ZNF7: variants seen among roughly 807,000 people sequenced by gnomAD.
ZNF7 encodes C2-H2 type zinc finger protein.
A neutral mutation model predicts 12.0 loss-of-function variants in ZNF7; 10 were observed. The observed-to-expected ratio is 0.83, with a 90% confidence interval of 0.51 to 1.42. The LOEUF (loss-of-function observed/expected upper bound fraction) is 1.42. ZNF7 is among the 40% of genes most tolerant of loss of function. The pLI, the probability that ZNF7 is intolerant of heterozygous loss-of-function variation, is 0.00. For synonymous variants in ZNF7, 334 were observed against 295.0 expected (o/e 1.13, Z -1.35); for missense variants, 854 against 837.2 (o/e 1.02, Z -0.25).
chr8:144,837,407 C>G lies in ZNF7; in HGVS notation c.147C>G (p.Phe49Leu), dbSNP rs762836333. ...CACACACAGCAGGATTCCTGGTTTT[C>G]AAGCCTGAGCTGATCTCTCGGCTGG... ...SVAGLAGFLV[F>L]KPELISRLEQ... The change falls in exon 4 of 5, where the codon TTC becomes TTG. Residue 49 changes from phenylalanine to leucine, a missense_variant. Physicochemically the swap from Phe to Leu is conservative, Grantham distance 22. Coordinates refer to ENST00000532777, the MANE Select transcript of ZNF7 (RefSeq NM_003416.4). The G allele has an allele frequency of 1.6e-5, 25 of 1,609,822 alleles. No individual in the cohort carries two copies. The African/African-American group carries it at 2.1e-4, about 14-fold the overall frequency.
chr8:144,831,849 T>C (rs1039604942), intron 3 of ZNF7, among the ~76,000 whole-genome samples: 1 of 101,132 alleles, frequency 9.9e-6, no homozygotes, highest in African/African-American at 2.9e-5. Flanking sequence ...TAGTTTTGTT[T>C]ATTATAAATC....
At position 144,841,534 on chromosome 8, in the gene ZNF7, G is replaced by A. The variant is rs1192391871; in HGVS notation, c.427G>A (p.Val143Met). Reference sequence around the variant, plus strand: ...TCATCTGGGCAGTCCCGGGCTGAAAGTGACAGGCTTTACCTTCCAAAATAA... The same window carrying A: ...TCATCTGGGCAGTCCCGGGCTGAAAATGACAGGCTTTACCTTCCAAAATAA... The part of the protein sequence containing the change: ...DSHLGSPGLK[V>M]TGFTFQNNCL... The change falls in exon 5 of 5, where the codon GTG (valine) becomes ATG (methionine). Residue 143 changes from valine (V) to methionine (M), a missense_variant. By Grantham distance (21) the Val-to-Met change is conservative. Coordinates refer to ENST00000532777, the MANE Select transcript of ZNF7 (RefSeq NM_003416.4). 6.2e-7 allele frequency: 1 copy of A among 1,614,186 alleles called. No homozygotes were observed. Among genetic ancestry groups the A allele is most frequent in the African/African-American group, 1.3e-5 (1 of 75,044 alleles).
chr8:144,841,280 G>A (rs1449644254), intron 4 of ZNF7, 75 bp from the exon 5 acceptor site: 17 of 1,461,534 alleles, frequency 1.2e-5, no homozygotes, highest in Non-Finnish European at 1.5e-5. Flanking sequence ...CTTGAGCCCT[G>A]GCCCCCGCAT....
At position 144,829,051 on chromosome 8, in the gene ZNF7, G is replaced by A. The variant is rs781082562; in HGVS notation, c.-37G>A. On this transcript the variant is annotated 5_prime_UTR_variant, in exon 2 of 5. Transcript: ENST00000532777. ...TTCATAATTGCCAACAGGTCTCTCG[G>A]CCAGAACACGTGGATGCCCACCCAC... The A allele has an allele frequency of 8.7e-6, 14 of 1,613,718 alleles. No homozygotes were observed. Among genetic ancestry groups the A allele is most frequent in the African/African-American group, 2.7e-5 (2 of 74,914 alleles).
At position 144,842,029 on chromosome 8, in the gene ZNF7, T is replaced by C. The variant is rs1239313432; in HGVS notation, c.922T>C (p.Cys308Arg). ...RIHTGEKPYR[C>R]EECGKAFGQS... ...CCACACTGGGGAGAAGCCCTACAGA[T>C]GTGAGGAATGTGGAAAAGCTTTTGG... is the stretch of plus-strand genomic sequence containing the variant. The change falls in exon 5 of 5, where the codon TGT becomes CGT. Residue 308 changes from cysteine (C) to arginine (R), a missense_variant. By Grantham distance (180) the Cys-to-Arg change is radical. Transcript: ENST00000532777. 4.3e-6 allele frequency: 7 copies of C among 1,614,164 alleles called. No homozygotes were observed. Among genetic ancestry groups the C allele is most frequent in the East Asian group, 2.2e-5 (1 of 44,886 alleles).
rs1443216066 is a variant in ZNF7, at chr8:144,843,769, G to A, written c.*601G>A. ...GCACAAGGAGGGCTCTACGAGCGCTGCTAGACTGAGTAGGTTAAAATAATT... is the reference window on the plus strand; with the variant it reads ...GCACAAGGAGGGCTCTACGAGCGCTACTAGACTGAGTAGGTTAAAATAATT... On this transcript the variant is annotated 3_prime_UTR_variant, in exon 5 of 5. Transcript: ENST00000532777. 2 of 152,186 alleles carry A rather than the reference G, an allele frequency of 1.3e-5. No homozygotes were observed. The highest frequency in any genetic ancestry group is 2.9e-5 in the Non-Finnish European group (2 of 68,052). The allele number at this position is 152,186 out of a possible 1,614,324, so 9.4% of individuals were successfully genotyped here. A position where few individuals can be genotyped will look rare whatever the true frequency, so the allele number is the denominator to read the frequency against.
intron 4 of ZNF7, 127 bp downstream of exon 4, chr8:144,837,634 G>T (rs118179494): frequency 2.3e-5 from 15 of 660,322 alleles, no homozygotes; most frequent in Non-Finnish European, 3.5e-5. Context: ...ATGCTACTGG[G>T]GAAGCAGCAT....
chr8:144,828,320 C>T (rs1828031030), intron 1 of ZNF7, among the ~76,000 whole-genome samples: 1 of 152,242 alleles, frequency 6.6e-6, no homozygotes, highest in Non-Finnish European at 1.5e-5. Context: ...TGGTTCCATC[C>T]TGGCGACAGG....
downstream of ZNF7, chr8:144,846,001 G>C: frequency 1.3e-6 from 2 of 1,536,546 alleles, no homozygotes; most frequent in Non-Finnish European, 1.7e-6. Context: ...GCCCAACCAT[G>C]GGACAAGAGC....
intron 4 of ZNF7, chr8:144,838,042 G>C: frequency 1.4e-6 from 1 of 695,212 alleles, no homozygotes; most frequent in Non-Finnish European, 2.6e-6. Flanking sequence ...CGGGGGGTCA[G>C]CAAGCAGGGC....
chr8:144,832,588 C>T (rs564462668), intron 3 of ZNF7, among the ~76,000 whole-genome samples: 1 of 151,828 alleles, frequency 6.6e-6, no homozygotes, highest in Admixed American at 6.6e-5. Context: ...ATTAGCCAGG[C>T]GTGGTGGCGG....
rs56279420 is a variant in ZNF7, at chr8:144,843,526, T to A, written c.*358T>A. 1 of 158,502 alleles carries A rather than the reference T, an allele frequency of 6.3e-6. No homozygotes were observed. Among genetic ancestry groups the A allele is most frequent in the Non-Finnish European group, 1.3e-5 (1 of 74,290 alleles). 9.8% of individuals were successfully genotyped at this position (158,502 alleles called of 1,614,324 possible). On this transcript the variant is annotated 3_prime_UTR_variant, in exon 5 of 5. Coordinates refer to ENST00000532777, the MANE Select transcript of ZNF7 (RefSeq NM_003416.4). ...TGGCATCAGCCCAGGAGGCGGAGCT[T>A]GCAGTGAGCTGAGATCGCGCCACTG...
intron 3 of ZNF7, among the ~76,000 whole-genome samples, chr8:144,831,291 A>T (rs1179405437): frequency 6.6e-6 from 1 of 152,162 alleles, no homozygotes; most frequent in Non-Finnish European, 1.5e-5. Context: ...TCACAGGGTA[A>T]AGCTTTTGAA....
In ZNF7 at chr8:144,842,957, A is replaced by C; in HGVS notation, c.1850A>C (p.Glu617Ala). The C allele has an allele frequency of 1.2e-6, 2 of 1,614,226 alleles. No individual in the cohort carries two copies. Among genetic ancestry groups the C allele is most frequent in the Non-Finnish European group, 1.7e-6 (2 of 1,180,044 alleles). Residue 617 changes from glutamate (E) to alanine (A), a missense_variant, in exon 5 of 5, where the codon GAA becomes GCA. Transcript: ENST00000532777. ...QWFYEYGNALEGSTFVSRKKV... is the reference protein window; with the variant it reads ...QWFYEYGNALAGSTFVSRKKV... ...TTTTACGAATATGGGAATGCCCTGG[A>C]AGGGTCCACCTTTGTGAGCCGTAAA...
downstream of ZNF7, chr8:144,845,841 T>C (rs1830481535): frequency 3.8e-6 from 3 of 786,734 alleles, no homozygotes; most frequent in Non-Finnish European, 6.0e-6. Context: ...GGAACTTCTG[T>C]GCACGTGGAG....
rs1436964348 is a variant in ZNF7, at chr8:144,843,013, T to C, written c.1906T>C (p.Cys636Arg). 1.9e-6 allele frequency: 3 copies of C among 1,614,102 alleles called. No homozygotes were observed. Among genetic ancestry groups the C allele is most frequent in the African/African-American group, 2.7e-5 (2 of 74,934 alleles). The change falls in exon 5 of 5, where the codon TGT becomes CGT. Residue 636 changes from cysteine to arginine, a missense_variant. Physicochemically the swap from Cys to Arg is radical, Grantham distance 180. Coordinates refer to ENST00000532777, the MANE Select transcript of ZNF7 (RefSeq NM_003416.4). ...KVNTIKKLHQ[C>R]EDCEKIFRWR... Reference sequence around the variant, plus strand: ...TAATACTATAAAGAAACTGCATCAGTGTGAAGACTGTGAGAAGATATTTAG... The same window carrying C: ...TAATACTATAAAGAAACTGCATCAGCGTGAAGACTGTGAGAAGATATTTAG...
intron 1 of ZNF7, 21 bp downstream of exon 1, chr8:144,827,630 C>T (rs1827914719): frequency 1.0e-6 from 1 of 985,528 alleles, no homozygotes; most frequent in Non-Finnish European, 1.2e-6. Flanking sequence ...GCGGCGGGCG[C>T]GGACTCGGGT....
chr8:144,830,162 T>A (rs986261266), intron 3 of ZNF7, among the ~76,000 whole-genome samples: 6 of 152,218 alleles, frequency 3.9e-5, no homozygotes, highest in Admixed American at 1.3e-4. Flanking sequence ...TTGCTGGGCC[T>A]CTTGCCTGTG....
rs146091107 is a variant in ZNF7 at position 144,843,125 on chromosome 8, G to A, written c.2018G>A (p.Arg673His). 2.4e-5 allele frequency: 38 copies of A among 1,609,358 alleles called. No individual in the cohort carries two copies. Among genetic ancestry groups the A allele is most frequent in the Non-Finnish European group, 2.9e-5 (34 of 1,178,048 alleles). ...AATGACTGTGGCAAAGCTTTTAATC[G>A]TAGCTCAAGGCTTACCCAGCATCAA... ...KCNDCGKAFNRSSRLTQHQKI... is the reference protein window; with the variant it reads ...KCNDCGKAFNHSSRLTQHQKI... Residue 673 changes from arginine to histidine, a missense_variant, in exon 5 of 5, where the codon CGT (arginine) becomes CAT (histidine). Physicochemically the swap from Arg to His is conservative, Grantham distance 29 (BLOSUM62 0). Coordinates refer to ENST00000532777, the MANE Select transcript of ZNF7 (RefSeq NM_003416.4).
Sources: allele counts gnomAD v4.1 joint callset (sites outside exome capture counted in the v4.1 genomes callset), GRCh38; gene constraint gnomAD v4.1.1; transcripts MANE v1.5; gene names NCBI Gene and HGNC (gene_info 2026-07-23, HGNC 2026-07-21).